Variants in CADPS2 observed in about 807,000 individuals in gnomAD.
The protein encoded by CADPS2 is calcium dependent secretion activator 2, also known as calcium-dependent secretion activator 2.
CADPS2 carries 93 observed loss-of-function variants against 172.5 expected under a neutral mutation model. That is an observed-to-expected ratio of 0.54 (90% CI 0.46 to 0.64). CADPS2 has a LOEUF of 0.64. CADPS2 is among the 30% of genes least tolerant of loss of function. The pLI is 0.00. For missense variants in CADPS2, 1,420 were observed against 1,565.9 expected, an observed-to-expected ratio of 0.91 and a Z score of 1.57; for synonymous variants, 546 against 555.2, an observed-to-expected ratio of 0.98 and a Z score of 0.23.
chr7:122,580,311 C>T (rs921447483), intron 7 of CADPS2, among the ~76,000 whole-genome samples: 10 of 151,780 alleles, frequency 6.6e-5, no homozygotes, highest in African/African-American at 1.9e-4. Flanking sequence ...AAAATTTAGC[C>T]AGGCAAGGTG....
chr7:122,752,457 T>C (rs925062818), intron 1 of CADPS2, among the ~76,000 whole-genome samples: 14 of 152,284 alleles, frequency 9.2e-5, no homozygotes, highest in African/African-American at 2.6e-4. Flanking sequence ...ATAACCTCAA[T>C]TGAGAAATTA....
At chr7:122,332,216 T>C (rs760928239) in intron 28 of CADPS2, among the ~76,000 whole-genome samples, 1 of 152,202 alleles carries the variant, frequency 6.6e-6, no homozygotes, top group Non-Finnish European at 1.5e-5. Context: ...ACCAGTCAAA[T>C]GGCTATTAGG....
intron 27 of CADPS2, among the ~76,000 whole-genome samples, chr7:122,353,467 C>T (rs190057303): frequency 9.9e-4 from 151 of 152,054 alleles, no homozygotes; most frequent in African/African-American, 3.3e-3. Context: ...TTCTTCCTTC[C>T]TCATTGTTTT....
intron 14 of CADPS2, among the ~76,000 whole-genome samples, chr7:122,463,557 T>C (rs988107010): frequency 2.0e-5 from 3 of 152,126 alleles, no homozygotes; most frequent in Admixed American, 2.0e-4. Flanking sequence ...CTATATGTAG[T>C]AAAAACAGAA....
At chr7:122,717,774 C>T (rs1415645337) in intron 2 of CADPS2, among the ~76,000 whole-genome samples, 1 of 152,018 alleles carries the variant, frequency 6.6e-6, no homozygotes, top group Non-Finnish European at 1.5e-5. Flanking sequence ...TGAAATACAA[C>T]TCAATTATCC....
intron 7 of CADPS2, among the ~76,000 whole-genome samples, chr7:122,569,225 T>C (rs1461677948): frequency 2.0e-5 from 3 of 152,208 alleles, no homozygotes; most frequent in Admixed American, 2.0e-4. Context: ...CAAGCATTCT[T>C]ATACACCAAT....
At chr7:122,438,130 T>C (rs1475383362) in intron 17 of CADPS2, among the ~76,000 whole-genome samples, 1 of 152,118 alleles carries the variant, frequency 6.6e-6, no homozygotes, top group Non-Finnish European at 1.5e-5. Flanking sequence ...GCACGAATCC[T>C]GGGTCTTTCA....
chr7:122,506,483 C>T (rs2059615559), intron 9 of CADPS2, among the ~76,000 whole-genome samples: 1 of 152,124 alleles, frequency 6.6e-6, no homozygotes, highest in Non-Finnish European at 1.5e-5. Context: ...GTATACGAAA[C>T]CTCCCATTTT....
chr7:122,451,879 A>T (rs1471661480), intron 14 of CADPS2, among the ~76,000 whole-genome samples: 1 of 152,210 alleles, frequency 6.6e-6, no homozygotes, highest in Admixed American at 6.5e-5. Context: ...TCTTCCAAAT[A>T]ATAATTCAGC....
chr7:122,668,661 C>T (rs2081445254), intron 2 of CADPS2, among the ~76,000 whole-genome samples: 1 of 152,100 alleles, frequency 6.6e-6, no homozygotes. Context: ...CTTTGTCCAT[C>T]TCATCATGAG....
chr7:122,836,983 C>T (rs907397092), intron 1 of CADPS2, among the ~76,000 whole-genome samples: 15 of 152,214 alleles, frequency 9.9e-5, no homozygotes, highest in African/African-American at 3.6e-4. Context: ...ACATTCTTCT[C>T]AGCACCATAT....
chr7:122,581,091 C>T, intron 7 of CADPS2, 88 bp downstream of exon 7: 1 of 867,124 alleles, frequency 1.2e-6, no homozygotes, highest in Non-Finnish European at 1.9e-6. Context: ...ACATAAAGTT[C>T]ACATATGGCA....
chr7:122,506,588 T>A (rs1238492019), intron 9 of CADPS2, among the ~76,000 whole-genome samples: 1 of 152,162 alleles, frequency 6.6e-6, no homozygotes, highest in Admixed American at 6.6e-5. Context: ...CAGGTTTGTA[T>A]GTCGTATTCC....
Position 122,886,241 on chromosome 7 carries a change from G to T in CADPS2, c.97C>A (p.Pro33Thr). 1.3e-6 allele frequency: 2 copies of T among 1,498,708 alleles called. No homozygotes were observed. Among genetic ancestry groups the T allele is most frequent in the African/African-American group, 2.9e-5 (2 of 68,426 alleles). The allele number at this position is 1,498,708 out of a possible 1,614,324, so 92.8% of individuals were successfully genotyped here. A position where few individuals can be genotyped will look rare whatever the true frequency, so the allele number is the denominator to read the frequency against. Reference protein sequence around the residue: ...LVAAGSSQRAPPAPTREGRRD... With the variant: ...LVAAGSSQRATPAPTREGRRD... ...CGCCCTTCCCGAGTCGGGGCTGGAG[G>T]AGCTCGCTGCGAGCTGCCGGCTGCC... Residue 33 changes from proline to threonine, a missense_variant, in exon 1 of 30, where the codon CCT (proline) becomes ACT (threonine). Physicochemically the swap from Pro to Thr is conservative, Grantham distance 38 (BLOSUM62 -1). Coordinates refer to ENST00000449022, the MANE Select transcript of CADPS2 (RefSeq NM_017954.11).
At chr7:122,749,310 A>G (rs1038149769) in intron 1 of CADPS2, among the ~76,000 whole-genome samples, 1 of 152,078 alleles carries the variant, frequency 6.6e-6, no homozygotes, top group Admixed American at 6.6e-5. Context: ...CTGTATAATA[A>G]TAGGTGCCTA....
At chr7:122,740,425 T>A (rs2092401228) in intron 1 of CADPS2, among the ~76,000 whole-genome samples, 1 of 152,136 alleles carries the variant, frequency 6.6e-6, no homozygotes, top group African/African-American at 2.4e-5. Context: ...TAAATGCATA[T>A]TACTATGTAA....
chr7:122,572,278 A>G (rs1434644532), intron 7 of CADPS2, among the ~76,000 whole-genome samples: 2 of 152,166 alleles, frequency 1.3e-5, no homozygotes, highest in Non-Finnish European at 2.9e-5. Context: ...TTTGTGGTAC[A>G]ACTTTTCTTA....
intron 1 of CADPS2, among the ~76,000 whole-genome samples, chr7:122,875,564 A>C (rs751180572): frequency 6.6e-6 from 1 of 152,134 alleles, no homozygotes; most frequent in African/African-American, 2.4e-5. Flanking sequence ...GTGATGAAAA[A>C]CTTAAATTAC....
At chr7:122,349,790 C>T (rs374678864) in intron 27 of CADPS2, among the ~76,000 whole-genome samples, 8 of 152,224 alleles carry the variant, frequency 5.3e-5, no homozygotes, top group Admixed American at 3.3e-4. Context: ...ATGCTGCAAA[C>T]GCTCTTGCTT....
Sources: allele counts gnomAD v4.1 joint callset (sites outside exome capture counted in the v4.1 genomes callset), GRCh38; gene constraint gnomAD v4.1.1; transcripts MANE v1.5; gene names NCBI Gene and HGNC (gene_info 2026-07-23, HGNC 2026-07-21).